MLLT3: variants seen among roughly 807,000 people sequenced by gnomAD.
The protein encoded by MLLT3 is MLLT3 super elongation complex subunit.
In MLLT3, 4 loss-of-function variants were observed where a neutral mutation model predicts 53.2. The ratio of observed to expected loss-of-function variants is 0.08; its 90% CI spans 0.04 to 0.17. The LOEUF (loss-of-function observed/expected upper bound fraction) is 0.17, where lower values mean the gene tolerates loss of function less well. Ranked by LOEUF, MLLT3 falls within the 10% of genes least tolerant of loss-of-function variation. The pLI is 1.00. For missense variants in MLLT3, 569 were observed against 684.0 expected, an observed-to-expected ratio of 0.83 and a Z score of 1.87; for synonymous variants, 283 against 230.6, an observed-to-expected ratio of 1.23 and a Z score of -2.06.
chr9:20,368,063 A>C (rs746396527), intron 5 of MLLT3, among the ~76,000 whole-genome samples: 2 of 152,226 alleles, frequency 1.3e-5, no homozygotes, highest in Non-Finnish European at 2.9e-5. Flanking sequence ...GCGGCCTACC[A>C]ACCCTTCAGC....
At chr9:20,501,974 G>C (rs540103525) in intron 2 of MLLT3, among the ~76,000 whole-genome samples, 28 of 151,242 alleles carry the variant, frequency 1.9e-4, no homozygotes, top group Admixed American at 1.3e-4. Context: ...CCAGCTACTG[G>C]GGAGGCTAAG....
At chr9:20,382,191 T>C (rs1821924585) in intron 5 of MLLT3, among the ~76,000 whole-genome samples, 2 of 152,048 alleles carry the variant, frequency 1.3e-5, no homozygotes, top group Middle Eastern at 6.8e-3. Flanking sequence ...AAGATTTTCC[T>C]GAATTTTTCT....
intron 5 of MLLT3, among the ~76,000 whole-genome samples, chr9:20,406,930 A>AT (rs1822593194): frequency 6.6e-6 from 1 of 152,138 alleles, no homozygotes; most frequent in Non-Finnish European, 1.5e-5. Flanking sequence ...CTTAGGGGTG[A>AT]TTTTTCCTTG....
At chr9:20,504,373 T>C (rs1825330855) in intron 2 of MLLT3, among the ~76,000 whole-genome samples, 2 of 151,522 alleles carry the variant, frequency 1.3e-5, no homozygotes, top group Non-Finnish European at 2.9e-5. Flanking sequence ...TGTGTGTGTG[T>C]ACAAATATAA....
chr9:20,449,645 T>A (rs1418213198), intron 3 of MLLT3, among the ~76,000 whole-genome samples: 1 of 152,178 alleles, frequency 6.6e-6, no homozygotes, highest in Non-Finnish European at 1.5e-5. Context: ...ACTCTCCGAA[T>A]ATAGGAATTA....
intron 2 of MLLT3, among the ~76,000 whole-genome samples, chr9:20,601,860 C>G (rs1439301050): frequency 6.6e-6 from 1 of 152,042 alleles, no homozygotes; most frequent in Non-Finnish European, 1.5e-5. Flanking sequence ...ATTTTGTGTG[C>G]TACCTATACA....
rs897327926 is a variant in MLLT3 at position 20,433,832 on chromosome 9, G to A, written c.420+14291C>T. 7.2e-5 allele frequency among the ~76,000 whole-genome samples: 11 copies of A among 151,876 alleles called. No individual in the cohort carries two copies. In the East Asian group the frequency reaches 2.1e-3, roughly 29 times the overall value. On this transcript the variant is annotated intron_variant, in intron 4 of 10. Coordinates refer to ENST00000380338, the MANE Select transcript of MLLT3 (RefSeq NM_004529.4). Reference sequence around the variant, plus strand: ...CCTTTTGCTATCAAAATAAAGGACAGGGCCAGGCATGGTGGCTCACACCTG... The same window carrying A: ...CCTTTTGCTATCAAAATAAAGGACAAGGCCAGGCATGGTGGCTCACACCTG...
At chr9:20,545,096 CAAAAAAAAAAAAAAAA>C (rs60850984) in intron 2 of MLLT3, among the ~76,000 whole-genome samples, 1 of 48,074 alleles carries the variant, frequency 2.1e-5, no homozygotes, top group African/African-American at 8.1e-5. Context: ...CCTATCTCTA[CAAAAAAAAAAAAAAAA>C]AAAAAAAAAA....
intron 2 of MLLT3, among the ~76,000 whole-genome samples, chr9:20,482,726 T>C (rs1824695099): frequency 6.6e-6 from 1 of 152,192 alleles, no homozygotes; most frequent in Non-Finnish European, 1.5e-5. Flanking sequence ...ATAAGAGGCA[T>C]TAGCGGATTG....
chr9:20,474,872 T>C (rs1038178091), intron 2 of MLLT3, among the ~76,000 whole-genome samples: 18 of 152,108 alleles, frequency 1.2e-4, no homozygotes, highest in Non-Finnish European at 1.5e-5. Context: ...TATTTTTAAA[T>C]AGCTAACAGG....
At chr9:20,589,677 T>C (rs922687685) in intron 2 of MLLT3, among the ~76,000 whole-genome samples, 1 of 146,550 alleles carries the variant, frequency 6.8e-6, no homozygotes, top group South Asian at 2.1e-4. Flanking sequence ...TCTTCTATGA[T>C]GGCAATAGTA....
chr9:20,444,265 A>T (rs1295927829), intron 4 of MLLT3, among the ~76,000 whole-genome samples: 1 of 152,210 alleles, frequency 6.6e-6, no homozygotes, highest in Admixed American at 6.5e-5. Flanking sequence ...AAAGTGATCA[A>T]TCAGTTCATT....
At chr9:20,456,490 C>T (rs1823973439) in intron 3 of MLLT3, among the ~76,000 whole-genome samples, 1 of 152,176 alleles carries the variant, frequency 6.6e-6, no homozygotes, top group Non-Finnish European at 1.5e-5. Context: ...TAATGAATTT[C>T]ACATAATCTG....
intron 2 of MLLT3, among the ~76,000 whole-genome samples, chr9:20,568,906 T>G (rs1480148712): frequency 6.6e-6 from 1 of 151,850 alleles, no homozygotes; most frequent in East Asian, 1.9e-4. Flanking sequence ...GGGGTTGGAG[T>G]AGGGATTCCA....
chr9:20,602,761 TACACACACACACACACAC>T (rs3086486), intron 2 of MLLT3, among the ~76,000 whole-genome samples: 1 of 147,184 alleles, frequency 6.8e-6, no homozygotes, highest in African/African-American at 2.5e-5. Flanking sequence ...TTAAGTTTGA[TACACACACACACACACAC>T]ACACACACAC....
chr9:20,550,778 G>C (rs1006604743), intron 2 of MLLT3, among the ~76,000 whole-genome samples: 16 of 152,040 alleles, frequency 1.1e-4, no homozygotes, highest in African/African-American at 3.9e-4. Flanking sequence ...TTTTTTAAGA[G>C]ACAGGGTCTC....
At chr9:20,369,107 C>G (rs1162994868) in intron 5 of MLLT3, among the ~76,000 whole-genome samples, 1 of 152,158 alleles carries the variant, frequency 6.6e-6, no homozygotes, top group African/African-American at 2.4e-5. Flanking sequence ...TATAAAGCAT[C>G]ACAGGTAATG....
chr9:20,560,744 T>G (rs1264324000), intron 2 of MLLT3, among the ~76,000 whole-genome samples: 1 of 152,172 alleles, frequency 6.6e-6, no homozygotes, highest in African/African-American at 2.4e-5. Flanking sequence ...CCTTACACTC[T>G]TATTAAAAAA....
intron 4 of MLLT3, among the ~76,000 whole-genome samples, chr9:20,423,494 G>A (rs760196041): frequency 6.6e-6 from 1 of 152,078 alleles, no homozygotes; most frequent in African/African-American, 2.4e-5. Context: ...TGTATCCACA[G>A]ATTCAACCAA....
Sources: allele counts gnomAD v4.1 joint callset (sites outside exome capture counted in the v4.1 genomes callset), GRCh38; gene constraint gnomAD v4.1.1; transcripts MANE v1.5; gene names NCBI Gene and HGNC (gene_info 2026-07-23, HGNC 2026-07-21).